TOX2: variants seen among roughly 807,000 people sequenced by gnomAD.
The protein encoded by TOX2 is TOX high mobility group box family member 2, also known as granulosa cell HMG box 1.
A neutral mutation model predicts 47.4 loss-of-function variants in TOX2; 15 were observed. The ratio of observed to expected loss-of-function variants is 0.32; its 90% CI spans 0.21 to 0.49. TOX2 has a LOEUF of 0.49. Among genes scored for constraint, TOX2 ranks in the 20% least tolerant of loss-of-function variants. The pLI, the probability that TOX2 is intolerant of heterozygous loss-of-function variation, is 0.99. For missense variants in TOX2, 622 were observed against 673.1 expected, an observed-to-expected ratio of 0.92 and a Z score of 0.84; for synonymous variants, 290 against 296.6, an observed-to-expected ratio of 0.98 and a Z score of 0.23.
chr20:44,064,728 C>A (rs201486166), intron 5 of TOX2, 49 bp from the exon 6 acceptor site: 49 of 1,577,192 alleles, frequency 3.1e-5, no homozygotes, highest in Non-Finnish European at 4.2e-5. Context: ...TGCACGGCAT[C>A]TCCTCTGTAA....
intron 3 of TOX2, among the ~76,000 whole-genome samples, chr20:44,050,588 G>A (rs994416175): frequency 6.6e-6 from 1 of 152,188 alleles, no homozygotes. Flanking sequence ...ATGCTTATAT[G>A]TAAAACCAAT....
At chr20:43,925,887 G>C (rs1364412366) in intron 1 of TOX2, among the ~76,000 whole-genome samples, 1 of 152,216 alleles carries the variant, frequency 6.6e-6, no homozygotes, top group African/African-American at 2.4e-5. Context: ...AGAGGGGGCT[G>C]TTAGGCAGAG....
chr20:44,046,185 G>A (rs1357402437), intron 3 of TOX2, among the ~76,000 whole-genome samples: 1 of 152,182 alleles, frequency 6.6e-6, no homozygotes, highest in Non-Finnish European at 1.5e-5. Flanking sequence ...GAGTGATAAT[G>A]ATAGCAGATA....
chr20:44,009,245 T>C (rs1175632686), intron 3 of TOX2, among the ~76,000 whole-genome samples: 2 of 152,214 alleles, frequency 1.3e-5, no homozygotes, highest in Non-Finnish European at 2.9e-5. Context: ...CAAACTTCCT[T>C]GTTCAAAAAA....
intron 3 of TOX2, among the ~76,000 whole-genome samples, chr20:44,041,812 G>T (rs991140009): frequency 1.3e-5 from 2 of 152,154 alleles, no homozygotes; most frequent in Non-Finnish European, 2.9e-5. Flanking sequence ...CAGTGTGCAG[G>T]CTCGAATCTA....
At chr20:43,991,288 C>T in intron 2 of TOX2, among the ~76,000 whole-genome samples, 1 of 152,158 alleles carries the variant, frequency 6.6e-6, no homozygotes, top group East Asian at 1.9e-4. Context: ...CTGCTTCAGA[C>T]CTTTGCTGAC....
chr20:43,923,956 G>C (rs1224831523), intron 1 of TOX2, among the ~76,000 whole-genome samples: 1 of 152,204 alleles, frequency 6.6e-6, no homozygotes, highest in Non-Finnish European at 1.5e-5. Context: ...CCAGATGGAG[G>C]TGAGGGGACT....
At chr20:44,062,733 C>T (rs1036032293) in intron 5 of TOX2, among the ~76,000 whole-genome samples, 1 of 152,006 alleles carries the variant, frequency 6.6e-6, no homozygotes, top group African/African-American at 2.4e-5. Flanking sequence ...TCACATTACC[C>T]GACTTCAAAC....
rs1048951600 is a variant in TOX2, at chr20:44,066,901, G to A, written c.1484+44G>A. ...CTGCCTTTGTCCTGCCAGCCAGGGA[G>A]AGTGGGAACAGGATGGCCAGGGATG... is the stretch of plus-strand genomic sequence containing the variant. On this transcript the variant is annotated intron_variant, in intron 8 of 8. Coordinates refer to ENST00000341197, the MANE Select transcript of TOX2 (RefSeq NM_001098797.2). 3 of 1,585,456 alleles carry A rather than the reference G, an allele frequency of 1.9e-6. No individual in the cohort carries two copies. The South Asian group carries it at 3.5e-5, about 19-fold the overall frequency.
At chr20:43,970,889 C>T (rs187898457) in intron 1 of TOX2, among the ~76,000 whole-genome samples, 32 of 152,354 alleles carry the variant, frequency 2.1e-4, no homozygotes, top group African/African-American at 7.2e-4. Flanking sequence ...CATGGCAGGC[C>T]TCCTGGAGGA....
At chr20:44,057,465 C>T (rs995566961) in intron 5 of TOX2, among the ~76,000 whole-genome samples, 1 of 151,660 alleles carries the variant, frequency 6.6e-6, no homozygotes, top group Non-Finnish European at 1.5e-5. Context: ...ACACTAATAA[C>T]CAAGAGAGGT....
At chr20:43,946,437 T>C (rs144535375) in intron 1 of TOX2, among the ~76,000 whole-genome samples, 1 of 152,172 alleles carries the variant, frequency 6.6e-6, no homozygotes, top group East Asian at 1.9e-4. Flanking sequence ...GCCCAGAAGA[T>C]ACCTGGGCTG....
chr20:43,995,754 C>A (rs867804245), intron 2 of TOX2, among the ~76,000 whole-genome samples: 22 of 152,282 alleles, frequency 1.4e-4, no homozygotes, highest in Middle Eastern at 3.4e-3. Context: ...TGAGTGAGAA[C>A]ATGTGGTATT....
chr20:44,045,208 C>T (rs766622), intron 3 of TOX2, among the ~76,000 whole-genome samples: 100,736 of 151,984 alleles, frequency 0.66, 33,834 homozygotes, highest in East Asian at 0.79. Flanking sequence ...TGCATAATGG[C>T]GTGAACATAT....
At chr20:44,019,113 A>AATG (rs2070937781) in intron 3 of TOX2, among the ~76,000 whole-genome samples, 1 of 148,396 alleles carries the variant, frequency 6.7e-6, no homozygotes, top group East Asian at 1.9e-4. Flanking sequence ...ACTGACTGAA[A>AATG]AATGAATGAA....
chr20:43,923,841 G>A (rs2069137279), intron 1 of TOX2, among the ~76,000 whole-genome samples: 1 of 152,194 alleles, frequency 6.6e-6, no homozygotes, highest in African/African-American at 2.4e-5. Flanking sequence ...GACACAGGAG[G>A]AAACGTGCTT....
At chr20:43,917,884 AT>A (rs1169937944) in intron 1 of TOX2, among the ~76,000 whole-genome samples, 1 of 152,222 alleles carries the variant, frequency 6.6e-6, no homozygotes, top group Non-Finnish European at 1.5e-5. Context: ...CTTTTTGAGC[AT>A]AGGGATTTGT....
chr20:43,943,507 C>G (rs181591348), intron 1 of TOX2, among the ~76,000 whole-genome samples: 1 of 152,194 alleles, frequency 6.6e-6, no homozygotes, highest in African/African-American at 2.4e-5. Context: ...AGACCCTTAC[C>G]GGTGAGTACT....
chr20:44,020,054 G>A (rs182371313), intron 3 of TOX2, among the ~76,000 whole-genome samples: 6 of 152,328 alleles, frequency 3.9e-5, no homozygotes, highest in East Asian at 1.9e-4. Context: ...CCAGCTGTGC[G>A]ACCTCAGCCA....
Sources: gnomAD v4.1 joint callset for allele counts (sites outside exome capture counted in the v4.1 genomes callset) on GRCh38, gnomAD v4.1.1 for gene constraint, MANE v1.5 for transcripts, NCBI Gene and HGNC (gene_info 2026-07-23, HGNC 2026-07-21) for gene names.